The following SLIT1 variants were observed in gnomAD, a reference collection of about 807,000 sequenced individuals.
The protein encoded by SLIT1 is slit guidance ligand 1.
A neutral mutation model predicts 186.1 loss-of-function variants in SLIT1; 66 were observed. That is an observed-to-expected ratio of 0.35 (90% CI 0.29 to 0.44). SLIT1 has a LOEUF of 0.44. Among genes scored for constraint, SLIT1 ranks in the 20% least tolerant of loss-of-function variants. The pLI, the probability that SLIT1 is intolerant of heterozygous loss-of-function variation, is 1.00. For missense variants in SLIT1, 1,638 were observed against 2,037.4 expected, an observed-to-expected ratio of 0.80 and a Z score of 3.77; for synonymous variants, 761 against 833.8, an observed-to-expected ratio of 0.91 and a Z score of 1.50.
intron 22 of SLIT1, 89 bp downstream of exon 22, chr10:97,037,609 G>A (rs766444230): frequency 7.0e-6 from 7 of 1,003,826 alleles, no homozygotes; most frequent in Admixed American, 5.4e-5. Context: ...CTGCCCAGAA[G>A]TGAGGTCCGT....
intron 4 of SLIT1, among the ~76,000 whole-genome samples, chr10:97,140,134 T>C (rs540439270): frequency 6.6e-6 from 1 of 152,130 alleles, no homozygotes; most frequent in African/African-American, 2.4e-5. Flanking sequence ...GCTCTGACCA[T>C]GGGGAGGGTG....
intron 4 of SLIT1, among the ~76,000 whole-genome samples, chr10:97,147,582 G>T (rs1400786085): frequency 6.6e-6 from 1 of 151,838 alleles, no homozygotes; most frequent in Non-Finnish European, 1.5e-5. Flanking sequence ...AGGTGAGGCA[G>T]AGGTGGCCCA....
intron 4 of SLIT1, among the ~76,000 whole-genome samples, chr10:97,074,311 C>T (rs938910908): frequency 2.0e-5 from 3 of 152,160 alleles, no homozygotes; most frequent in South Asian, 2.1e-4. Context: ...TCCGTTTTCC[C>T]GGCCAAAACA....
At chr10:97,060,235 G>T (rs1848879828) in intron 9 of SLIT1, 77 bp from the exon 10 acceptor site, 3 of 1,195,328 alleles carry the variant, frequency 2.5e-6, no homozygotes, top group Non-Finnish European at 3.7e-6. Context: ...GGGCTCACCT[G>T]CCCTGAATAA....
chr10:97,133,415 A>G (rs1045412010), intron 4 of SLIT1, among the ~76,000 whole-genome samples: 1 of 152,168 alleles, frequency 6.6e-6, no homozygotes, highest in African/African-American at 2.4e-5. Flanking sequence ...TCTTTTTAAG[A>G]CAAACACTGG....
intron 32 of SLIT1, among the ~76,000 whole-genome samples, chr10:97,005,494 C>A (rs1208385938): frequency 6.6e-6 from 1 of 152,226 alleles, no homozygotes; most frequent in African/African-American, 2.4e-5. Flanking sequence ...ACTGCCCCAT[C>A]TCCTTGGACT....
At position 97,091,319 on chromosome 10, in the gene SLIT1, T is replaced by C. The variant is rs150202274; in HGVS notation, c.414-25233A>G. Among the ~76,000 whole-genome samples the C allele has an allele frequency of 2.0e-3, 308 of 152,326 alleles. 1 individual carries two copies. Among genetic ancestry groups the C allele is most frequent in the African/African-American group, 7.2e-3 (301 of 41,564 alleles). Reference sequence around the variant, plus strand: ...TTTCCGTGAAGTGAGCCAGGTTCCTTAGGGGACTCACCTTTGTCTCACTAT... The same window carrying C: ...TTTCCGTGAAGTGAGCCAGGTTCCTCAGGGGACTCACCTTTGTCTCACTAT... On this transcript the variant is annotated intron_variant, in intron 4 of 36. Coordinates refer to ENST00000266058, the MANE Select transcript of SLIT1 (RefSeq NM_003061.3).
chr10:97,185,387 A>G (rs984931520), intron 1 of SLIT1, 91 bp downstream of exon 1: 106 of 1,317,060 alleles, frequency 8.0e-5, no homozygotes, highest in Middle Eastern at 4.8e-4. Flanking sequence ...ACGGGCCCCA[A>G]TGGTCCTGCC....
At chr10:97,140,727 C>A (rs976260538) in intron 4 of SLIT1, among the ~76,000 whole-genome samples, 2 of 152,160 alleles carry the variant, frequency 1.3e-5, no homozygotes, top group African/African-American at 4.8e-5. Flanking sequence ...TGGGGGCAGC[C>A]CAGGGGAGAA....
Position 97,100,737 on chromosome 10 carries a change from A to G in SLIT1, c.414-34651T>C, listed in dbSNP as rs560934091. 9.8e-5 allele frequency among the ~76,000 whole-genome samples: 15 copies of G among 152,352 alleles called. No individual in the cohort carries two copies. In the East Asian group the frequency reaches 2.7e-3, roughly 27 times the overall value. The stretch of plus-strand genomic sequence containing the variant: ...CAGTTCATTTTCATTAGCATCACAC[A>G]TCGGCAATTTTAAGGCATGTCAGTG... On this transcript the variant is annotated intron_variant, in intron 4 of 36. Coordinates refer to ENST00000266058, the MANE Select transcript of SLIT1 (RefSeq NM_003061.3).
At chr10:97,135,328 G>A (rs1478910625) in intron 4 of SLIT1, among the ~76,000 whole-genome samples, 2 of 152,120 alleles carry the variant, frequency 1.3e-5, no homozygotes, top group Non-Finnish European at 2.9e-5. Flanking sequence ...CACTCACTGC[G>A]CAACTCCATC....
rs1848737132 is a variant in SLIT1, at chr10:97,046,730, C to T, written c.1777G>A (p.Glu593Lys). ...GAFEGAASVS[E>K]LHLTANQLES... ...AGCTGGTTGGCAGTTAGGTGCAGCTCGCTCACAGAGGCTGCGCCCTCGAAG... is the reference window on the plus strand; with the variant it reads ...AGCTGGTTGGCAGTTAGGTGCAGCTTGCTCACAGAGGCTGCGCCCTCGAAG... The change falls in exon 18 of 37, where the codon GAG becomes AAG. Residue 593 changes from glutamate to lysine, a missense_variant. Glu to Lys is a moderately conservative substitution (Grantham distance 56). Around this residue, in one of 3 missense-constraint regions of SLIT1, gnomAD observed 1,245 missense variants for 1,535.3 expected, o/e 0.81. Coordinates refer to ENST00000266058, the MANE Select transcript of SLIT1 (RefSeq NM_003061.3). The T allele has an allele frequency of 3.7e-6, 6 of 1,612,616 alleles. No homozygotes were observed. The highest frequency in any genetic ancestry group is 1.1e-5 in the South Asian group (1 of 91,086).
At chr10:97,140,015 CCTCT>C (rs1452972766) in intron 4 of SLIT1, among the ~76,000 whole-genome samples, 3 of 152,178 alleles carry the variant, frequency 2.0e-5, no homozygotes, top group African/African-American at 7.2e-5. Context: ...CTCCCCTCTT[CCTCT>C]CTGTCTTTCC....
intron 1 of SLIT1, among the ~76,000 whole-genome samples, chr10:97,176,137 T>TA (rs1328213354): frequency 2.0e-5 from 3 of 152,128 alleles, no homozygotes; most frequent in Admixed American, 6.5e-5. Flanking sequence ...AATCTCAGCT[T>TA]ACCACTTACC....
intron 21 of SLIT1, among the ~76,000 whole-genome samples, chr10:97,039,396 G>A (rs1362409594): frequency 6.6e-6 from 1 of 152,148 alleles, no homozygotes; most frequent in Non-Finnish European, 1.5e-5. Context: ...GCTGACCCAG[G>A]GAAGCAAGAA....
chr10:97,064,848 T>C lies in SLIT1; in HGVS notation c.514A>G (p.Ile172Val), dbSNP rs770544400. ...AGAGCACGGAAGGCCCCTTCCTCAA[T>C]GCAGCTGATCTGGTTCTTGTCCAGC... is the stretch of plus-strand genomic sequence containing the variant. ...LQLDKNQISC[I>V]EEGAFRALRG... Residue 172 changes from isoleucine to valine, a missense_variant, in exon 6 of 37, where the codon ATT (isoleucine) becomes GTT (valine). By Grantham distance (29) the Ile-to-Val change is conservative. This residue lies in a region of SLIT1 where 1,245 missense variants were observed against 1,535.3 expected (regional missense o/e 0.81). Coordinates refer to ENST00000266058, the MANE Select transcript of SLIT1 (RefSeq NM_003061.3). 6.2e-7 allele frequency: 1 copy of C among 1,612,484 alleles called. No homozygotes were observed. The highest frequency in any genetic ancestry group is 1.1e-5 in the South Asian group (1 of 90,732).
Position 97,000,015 on chromosome 10 carries a change from C to T in SLIT1, c.*1097G>A, listed in dbSNP as rs1848289311. 6.6e-6 allele frequency: 1 copy of T among 152,306 alleles called. No individual in the cohort carries two copies. Among genetic ancestry groups the T allele is most frequent in the Non-Finnish European group, 1.5e-5 (1 of 68,106 alleles). 9.4% of individuals were successfully genotyped at this position (152,306 alleles called of 1,614,324 possible). On this transcript the variant is annotated 3_prime_UTR_variant, in exon 37 of 37. Coordinates refer to ENST00000266058, the MANE Select transcript of SLIT1 (RefSeq NM_003061.3). ...GAGTCTGCACTGTTCCTTTAGTCAT[C>T]CCGCCCCCCACCTCTGGCCATTTTA...
At chr10:97,082,726 G>A (rs929127956) in intron 4 of SLIT1, among the ~76,000 whole-genome samples, 3 of 151,908 alleles carry the variant, frequency 2.0e-5, no homozygotes, top group African/African-American at 4.8e-5. Context: ...GAGCCACCAC[G>A]CCCAGCCTCA....
At chr10:97,170,304 T>C (rs2636804) in intron 1 of SLIT1, among the ~76,000 whole-genome samples, 127,176 of 152,290 alleles carry the variant, frequency 0.84, 53,641 homozygotes, top group Non-Finnish European at 0.9. Context: ...TAAGACCCAC[T>C]TCTTGGAAAT....
Sources: allele counts gnomAD v4.1 joint callset (sites outside exome capture counted in the v4.1 genomes callset), GRCh38; gene constraint gnomAD v4.1.1; regional missense constraint gnomAD v4.1.1; transcripts MANE v1.5; gene names NCBI Gene and HGNC (gene_info 2026-07-23, HGNC 2026-07-21).